The following CNGB1 variants were observed in gnomAD, a reference collection of about 807,000 sequenced individuals.
CNGB1 encodes cyclic nucleotide gated channel subunit beta 1, also known as cyclic nucleotide-gated channel beta-1.
CNGB1 carries 126 observed loss-of-function variants against 151.7 expected under a neutral mutation model. The observed-to-expected ratio is 0.83, with a 90% CI of 0.72 to 0.96. The LOEUF (loss-of-function observed/expected upper bound fraction) is 0.96. CNGB1 is among the 40% of genes least tolerant of loss of function. The pLI is 0.00. For synonymous variants in CNGB1, 623 were observed against 635.1 expected, an observed-to-expected ratio of 0.98 and a Z score of 0.29; for missense variants, 1,698 against 1,627.0, an observed-to-expected ratio of 1.04 and a Z score of -0.75.
At chr16:57,968,866 A>T (rs796129023) in intron 1 of CNGB1, among the ~76,000 whole-genome samples, 155 of 86,356 alleles carry the variant, frequency 1.8e-3, no homozygotes, top group African/African-American at 9.9e-3. Flanking sequence ...GTCTCTATTT[A>T]AAAAAAAAAA....
chr16:57,950,606 C>CCAGGGAACCTG (rs1567392648), intron 12 of CNGB1, 66 bp from the exon 13 acceptor site: 1 of 1,550,128 alleles, frequency 6.5e-7, no homozygotes. Flanking sequence ...CCTCTGAGTC[C>CCAGGGAACCTG]CAGGGAGCCT....
intron 16 of CNGB1, among the ~76,000 whole-genome samples, chr16:57,933,043 G>A (rs746162536): frequency 1.5e-4 from 23 of 151,816 alleles, no homozygotes; most frequent in Admixed American, 1.2e-3. Flanking sequence ...TGATCTTCCC[G>A]GCAGCCTCCC....
rs761143910 is a variant in CNGB1, at chr16:57,967,321, C to T, written c.-8-27G>A. The stretch of plus-strand genomic sequence containing the variant: ...TGTAGGAGACAGAGTCCTTAGCCCT[C>T]CCTGGAGCACTCACAGTAGCTCCCG... On this transcript the variant is annotated intron_variant, in intron 1 of 32. Transcript: ENST00000251102. 3.0e-5 allele frequency: 48 copies of T among 1,613,306 alleles called. No homozygotes were observed. In the South Asian group the frequency reaches 5.3e-4, roughly 18 times the overall value.
chr16:57,959,334 C>T (rs552977638), intron 10 of CNGB1, among the ~76,000 whole-genome samples: 2 of 151,812 alleles, frequency 1.3e-5, no homozygotes, highest in South Asian at 4.2e-4. Flanking sequence ...AGGAAGCAGG[C>T]CAGGCCGGGT....
intron 12 of CNGB1, among the ~76,000 whole-genome samples, chr16:57,952,577 A>C (rs1411405158): frequency 1.6e-5 from 2 of 127,348 alleles, no homozygotes; most frequent in East Asian, 4.6e-4. Context: ...ATCTTGGCTC[A>C]CTGCAACCTC....
intron 32 of CNGB1, among the ~76,000 whole-genome samples, chr16:57,886,202 C>T (rs1959925601): frequency 6.6e-6 from 1 of 152,098 alleles, no homozygotes; most frequent in Non-Finnish European, 1.5e-5. Flanking sequence ...TTAAGAGCTC[C>T]CTGTACTCTG....
At chr16:57,887,345 G>A (rs910769480) in intron 32 of CNGB1, among the ~76,000 whole-genome samples, 4 of 152,106 alleles carry the variant, frequency 2.6e-5, no homozygotes, top group Non-Finnish European at 4.4e-5. Context: ...GTCCAGGGGC[G>A]GGTATGTGAC....
intron 16 of CNGB1, among the ~76,000 whole-genome samples, chr16:57,933,945 A>ACTCCTGAT (rs1474213873): frequency 6.8e-6 from 1 of 147,792 alleles, no homozygotes. Context: ...CTGGTCTTGA[A>ACTCCTGAT]CTCCTGATCT....
intron 29 of CNGB1, among the ~76,000 whole-genome samples, chr16:57,901,133 G>A (rs1357155605): frequency 1.3e-5 from 2 of 152,158 alleles, no homozygotes; most frequent in East Asian, 3.9e-4. Flanking sequence ...CAAAGCCCGA[G>A]GCACATGTGT....
At position 57,962,871 on chromosome 16, in the gene CNGB1, A is replaced by G. The variant is rs1217287156; in HGVS notation, c.383T>C (p.Ile128Thr). ...VHSITEDPAQ[I>T]LGHGSTGDTG... ...GTCCCCAGTGCTGCCATGCCCCAGG[A>G]TCTGCCAGGGACAGACAGACAGACA... is the stretch of plus-strand genomic sequence containing the variant. The change falls in exon 6 of 33, where the codon ATC becomes ACC. Residue 128 changes from isoleucine to threonine, a missense_variant and splice_region_variant. Ile to Thr is a moderately conservative substitution (Grantham distance 89, BLOSUM62 -1). Coordinates refer to ENST00000251102, the MANE Select transcript of CNGB1 (RefSeq NM_001297.5). The G allele has an allele frequency of 6.2e-7, 1 of 1,612,582 alleles. No homozygotes were observed. The highest frequency in any genetic ancestry group is 2.2e-5 in the East Asian group (1 of 44,874).
chr16:57,907,330 G>A (rs1960581170), intron 25 of CNGB1, among the ~76,000 whole-genome samples: 1 of 152,198 alleles, frequency 6.6e-6, no homozygotes, highest in Non-Finnish European at 1.5e-5. Flanking sequence ...AGAATCTAGA[G>A]AAAGCCAGCT....
Position 57,960,047 on chromosome 16 carries a change from T to TG in CNGB1, c.601dup (p.Gln201ProfsTer82). 1 of 1,560,686 alleles carries TG rather than the reference T, an allele frequency of 6.4e-7. No homozygotes were observed. Among genetic ancestry groups the TG allele is most frequent in the East Asian group, 2.3e-5 (1 of 42,804 alleles). ...GGCCTGCAGCTTGGGCCCCATTTCC[T>TG]GGGGGCGTCCTGGAGGCGCTAAGCA... On this transcript the variant is annotated frameshift_variant, in exon 10 of 33. Coordinates refer to ENST00000251102, the MANE Select transcript of CNGB1 (RefSeq NM_001297.5). LOFTEE classifies it high-confidence loss of function.
In CNGB1 at chr16:57,904,788, G is replaced by C; in HGVS notation, c.2580C>G (p.Phe860Leu). Reference sequence around the variant, plus strand: ...CGCCCGTGAAATAATTCAGCAGCTGGAAGACAATTTCAAAGAGTGTCTTGG... The same window carrying C: ...CGCCCGTGAAATAATTCAGCAGCTGCAAGACAATTTCAAAGAGTGTCTTGG... ...PDPKTLFEIV[F>L]QLLNYFTGVF... The change falls in exon 26 of 33, where the codon TTC becomes TTG. Residue 860 changes from phenylalanine to leucine, a missense_variant. Coordinates refer to ENST00000251102, the MANE Select transcript of CNGB1 (RefSeq NM_001297.5). The C allele has an allele frequency of 6.2e-7, 1 of 1,614,208 alleles. No homozygotes were observed. The highest frequency in any genetic ancestry group is 1.1e-5 in the South Asian group (1 of 91,074).
Position 57,884,016 on chromosome 16 carries a change from G to A in CNGB1, c.*148C>T, listed in dbSNP as rs1596940916. 2 of 1,136,310 alleles carry A rather than the reference G, an allele frequency of 1.8e-6. No homozygotes were observed. Among genetic ancestry groups the A allele is most frequent in the South Asian group, 1.4e-5 (1 of 72,760 alleles). 70.4% of individuals were successfully genotyped at this position (1,136,310 alleles called of 1,614,324 possible). ...GTCGGGGCTGGCGTGCTGGCGGGAC[G>A]GTCAGAGCTGCAGCCACTGAGGTCA... On this transcript the variant is annotated 3_prime_UTR_variant, in exon 33 of 33. Transcript: ENST00000251102.
At chr16:57,898,941 C>G (rs750082926) in intron 29 of CNGB1, among the ~76,000 whole-genome samples, 1 of 152,106 alleles carries the variant, frequency 6.6e-6, no homozygotes, top group Non-Finnish European at 1.5e-5. Context: ...GATGTAATTC[C>G]TAAAGATGAG....
At chr16:57,933,205 G>T (rs1163994513) in intron 16 of CNGB1, among the ~76,000 whole-genome samples, 34 of 152,242 alleles carry the variant, frequency 2.2e-4, no homozygotes. Context: ...TGGGATTACA[G>T]GCGTGAGCCA....
chr16:57,949,233 C>G, intron 14 of CNGB1, 120 bp downstream of exon 14: 1 of 1,572,886 alleles, frequency 6.4e-7, no homozygotes, highest in Non-Finnish European at 8.6e-7. Flanking sequence ...AAAGCCCAGC[C>G]TTACACAGCA....
In CNGB1 at chr16:57,968,501, A is replaced by G. The variant is rs1174470665; in HGVS notation, c.-8-1207T>C. Among the ~76,000 whole-genome samples, 4 of 152,026 alleles carry G rather than the reference A, an allele frequency of 2.6e-5. No individual in the cohort carries two copies. In the South Asian group the frequency reaches 6.2e-4, roughly 24 times the overall value. The stretch of plus-strand genomic sequence containing the variant: ...GACAGAGTGAGATCCTGTCTCAAAA[A>G]TAATAATAATAATAATAAATGTAAC... On this transcript the variant is annotated intron_variant, in intron 1 of 32. Coordinates refer to ENST00000251102, the MANE Select transcript of CNGB1 (RefSeq NM_001297.5).
chr16:57,908,896 C>T (rs1417175727), intron 25 of CNGB1, among the ~76,000 whole-genome samples: 1 of 152,232 alleles, frequency 6.6e-6, no homozygotes, highest in Non-Finnish European at 1.5e-5. Context: ...ACTCTTCCAT[C>T]AGCACGAGGG....
Sources: gnomAD v4.1 joint callset for allele counts (sites outside exome capture counted in the v4.1 genomes callset) on GRCh38, gnomAD v4.1.1 for gene constraint, MANE v1.5 for transcripts, NCBI Gene and HGNC (gene_info 2026-07-23, HGNC 2026-07-21) for gene names.